ANO7: variants seen among roughly 807,000 people sequenced by gnomAD.
The protein encoded by ANO7 is anoctamin 7.
ANO7 carries 114 observed loss-of-function variants against 115.8 expected under a neutral mutation model. The ratio of observed to expected loss-of-function variants is 0.98; its 90% CI spans 0.85 to 1.15. The LOEUF (loss-of-function observed/expected upper bound fraction) is 1.15. Among genes scored for constraint, ANO7 ranks in the 50% most tolerant of loss-of-function variants. The pLI, the probability that ANO7 is intolerant of heterozygous loss-of-function variation, is 0.00. For synonymous variants in ANO7, 550 were observed against 498.2 expected (o/e 1.10, Z -1.38); for missense variants, 1,302 against 1,201.2 (o/e 1.08, Z -1.24).
chr2:241,218,152 G>T, intron 20 of ANO7, 87 bp from the exon 21 acceptor site: 1 of 432,228 alleles, frequency 2.3e-6, no homozygotes, highest in African/African-American at 7.6e-5. Flanking sequence ...GGGCGGGGCG[G>T]GGGGGCAGCG....
rs1211653211 is a variant in ANO7, at chr2:241,224,188, T to C, written c.*35T>C. 3.1e-6 allele frequency: 5 copies of C among 1,611,258 alleles called. No individual in the cohort carries two copies. The highest frequency in any genetic ancestry group is 2.7e-5 in the African/African-American group (2 of 74,918). On this transcript the variant is annotated 3_prime_UTR_variant, in exon 25 of 25. Coordinates refer to ENST00000674324, the MANE Select transcript of ANO7 (RefSeq NM_001370694.2). ...GGACATCTGGTGGTCCTTAGGGGAG[T>C]GGCCCCTCCTGAGCCCTGCGAGCAG... is the stretch of plus-strand genomic sequence containing the variant.
At chr2:241,235,591 A>G in the ANO7 span, 7 of 1,610,452 alleles carry the variant, frequency 4.3e-6, no homozygotes, top group Middle Eastern at 1.6e-4. Flanking sequence ...ACAGGAACCA[A>G]TGCCTGCAGG....
At position 241,218,283 on chromosome 2, in the gene ANO7, C is replaced by G; in HGVS notation, c.2223C>G (p.Tyr741Ter). ...CGTCCGACTTCCTGCCGCGCGCCTA[C>G]TACCGGTGGACCCGCGCCCACGACC... ...AFSSDFLPRA[Y>*]YRWTRAHDLR... Residue 741 changes from tyrosine to a stop codon, truncating the protein, a stop_gained, in exon 21 of 25, where the codon TAC (tyrosine) becomes TAG (stop). Coordinates refer to ENST00000674324, the MANE Select transcript of ANO7 (RefSeq NM_001370694.2). LOFTEE classifies it high-confidence loss of function. The G allele has an allele frequency of 6.5e-7, 1 of 1,536,078 alleles. No individual in the cohort carries two copies. Among genetic ancestry groups the G allele is most frequent in the Non-Finnish European group, 8.7e-7 (1 of 1,149,028 alleles).
At chr2:241,221,536 A>ATTT (rs75387643) in intron 21 of ANO7, among the ~76,000 whole-genome samples, 1 of 141,076 alleles carries the variant, frequency 7.1e-6, no homozygotes, top group African/African-American at 2.6e-5. Flanking sequence ...CACCCAGATG[A>ATTT]TTTTTTTTTT....
At chr2:241,204,093 A>G (rs2068535025) in intron 9 of ANO7, among the ~76,000 whole-genome samples, 1 of 152,182 alleles carries the variant, frequency 6.6e-6, no homozygotes, top group African/African-American at 2.4e-5. Flanking sequence ...CGGGGCCGGC[A>G]GGCATGGAAG....
chr2:241,212,783 C>T, intron 17 of ANO7, 157 bp downstream of exon 17: 1 of 755,486 alleles, frequency 1.3e-6, no homozygotes, highest in Non-Finnish European at 2.2e-6. Flanking sequence ...CTCAGGGCTC[C>T]CAGCCTCTCT....
chr2:241,199,422 A>G lies in ANO7; in HGVS notation c.416A>G (p.Gln139Arg). The G allele has an allele frequency of 6.2e-7, 1 of 1,613,630 alleles. No homozygotes were observed. Among genetic ancestry groups the G allele is most frequent in the Non-Finnish European group, 8.5e-7 (1 of 1,179,978 alleles). Residue 139 changes from glutamine (Q) to arginine (R), a missense_variant and splice_region_variant, in exon 5 of 25, where the codon CAG becomes CGG. Coordinates refer to ENST00000674324, the MANE Select transcript of ANO7 (RefSeq NM_001370694.2). ...AEDLRLKLPL[Q>R]ELPNQASNWS... Reference sequence around the variant, plus strand: ...GACCTGCGCCTGAAGCTGCCCTTGCAGGTACGTGGGAGGCATGGGGACAGG... The same window carrying G: ...GACCTGCGCCTGAAGCTGCCCTTGCGGGTACGTGGGAGGCATGGGGACAGG...
intron 3 of ANO7, among the ~76,000 whole-genome samples, chr2:241,195,231 G>T (rs757395257): frequency 3.9e-5 from 6 of 152,166 alleles, no homozygotes; most frequent in Non-Finnish European, 8.8e-5. Context: ...GGAAGGGAAG[G>T]CTCACCTCGC....
intron 10 of ANO7, among the ~76,000 whole-genome samples, chr2:241,206,979 G>A (rs1218499319): frequency 6.8e-6 from 1 of 146,106 alleles, no homozygotes; most frequent in Admixed American, 6.8e-5. Context: ...CAGGTGGGCA[G>A]GAATGCTCCC....
At chr2:241,200,331 T>C in intron 6 of ANO7, 106 bp downstream of exon 6, 1 of 1,444,214 alleles carries the variant, frequency 6.9e-7, no homozygotes, top group South Asian at 1.4e-5. Context: ...TCACCTGGAG[T>C]TTTCGGCAGG....
In ANO7 at chr2:241,217,683, C is replaced by T; in HGVS notation, c.1973-3C>T. On this transcript the variant is annotated splice_polypyrimidine_tract_variant and splice_region_variant and intron_variant, in intron 19 of 24. Coordinates refer to ENST00000674324, the MANE Select transcript of ANO7 (RefSeq NM_001370694.2). The stretch of plus-strand genomic sequence containing the variant: ...GAGCCCGGCCGTGACCCCCTCCCCG[C>T]AGTGCTGCAGTTCGGCTTCGTCACC... 1 of 1,576,992 alleles carries T rather than the reference C, an allele frequency of 6.3e-7. No individual in the cohort carries two copies. The highest frequency in any genetic ancestry group is 1.3e-5 in the African/African-American group (1 of 74,528).
At chr2:241,236,314 C>T in the ANO7 span, 1 of 402,520 alleles carries the variant, frequency 2.5e-6, no homozygotes, top group Non-Finnish European at 4.5e-6. Flanking sequence ...CACATTCATC[C>T]CCCTGCAGCT....
At chr2:241,231,881 T>C in the ANO7 span, among the ~76,000 whole-genome samples, 1 of 98,670 alleles carries the variant, frequency 1.0e-5, no homozygotes, top group Non-Finnish European at 2.6e-5. Context: ...GCAACAGGAC[T>C]AGAGGACGGG....
intron 3 of ANO7, among the ~76,000 whole-genome samples, chr2:241,192,115 T>C (rs2068221198): frequency 1.3e-5 from 2 of 152,168 alleles, no homozygotes; most frequent in African/African-American, 4.8e-5. Context: ...GGCGGGTGGA[T>C]CACCTGAGGT....
chr2:241,200,232 C>A lies in ANO7; in HGVS notation c.554+7C>A. On this transcript the variant is annotated splice_region_variant and intron_variant, in intron 6 of 24. Transcript: ENST00000674324. Reference sequence around the variant, plus strand: ...GAGTGAACAAGCTGCCACGGTAAGGCAGGGGCCCTGCCAGTCGGAGGAAAG... The same window carrying A: ...GAGTGAACAAGCTGCCACGGTAAGGAAGGGGCCCTGCCAGTCGGAGGAAAG... 6.2e-7 allele frequency: 1 copy of A among 1,611,256 alleles called. No individual in the cohort carries two copies. Among genetic ancestry groups the A allele is most frequent in the Non-Finnish European group, 8.5e-7 (1 of 1,179,134 alleles).
At chr2:241,209,829 G>C (rs374006487) in intron 13 of ANO7, among the ~76,000 whole-genome samples, 194 bp downstream of exon 13, 10 of 152,168 alleles carry the variant, frequency 6.6e-5, no homozygotes, top group African/African-American at 1.9e-4. Flanking sequence ...TGAGTCATAC[G>C]GAGGGCCTGG....
Position 241,223,808 on chromosome 2 carries a change from C to G in ANO7, c.2532+27C>G, listed in dbSNP as rs1218302860. On this transcript the variant is annotated intron_variant, in intron 23 of 24. Transcript: ENST00000674324. ...TGAACTGTACAGCCCAGTCTCGGCC[C>G]TCCCCCCAGCCCTCTCCCTATCCTT... 1.9e-6 allele frequency: 3 copies of G among 1,614,056 alleles called. No individual in the cohort carries two copies. In the African/African-American group the frequency reaches 4.0e-5, roughly 22 times the overall value.
the ANO7 span, chr2:241,235,382 C>T: frequency 5.0e-5 from 75 of 1,489,994 alleles, no homozygotes; most frequent in East Asian, 2.0e-4. Context: ...GTGCCCAGTC[C>T]GAGCAGGAGG....
chr2:241,230,135 A>AG, downstream of ANO7: 1 of 1,599,386 alleles, frequency 6.3e-7, no homozygotes, highest in Non-Finnish European at 8.6e-7. This position sits in a 1 kb window ranked among gnomAD's most constrained non-coding sequence, Gnocchi z 5.0. Context: ...CAGGGCTCCA[A>AG]GGCCCACAGA....
Sources: allele counts gnomAD v4.1 joint callset (sites outside exome capture counted in the v4.1 genomes callset), GRCh38; gene constraint gnomAD v4.1.1; non-coding constraint Gnocchi (gnomAD v3.1); transcripts MANE v1.5; gene names NCBI Gene and HGNC (gene_info 2026-07-23, HGNC 2026-07-21).